The following FBXO38 variants were observed in gnomAD, a reference collection of about 807,000 sequenced individuals.
The protein encoded by FBXO38 is F-box protein 38, also known as F-box only protein 38.
In FBXO38, 53 loss-of-function variants were observed where a neutral mutation model predicts 131.9. That is an observed-to-expected ratio of 0.40 (90% CI 0.32 to 0.51). The LOEUF is 0.51. Ranked by LOEUF, FBXO38 falls within the 20% of genes least tolerant of loss-of-function variation. FBXO38 has a pLI of 0.53. For missense variants in FBXO38, 1,076 were observed against 1,475.6 expected, an observed-to-expected ratio of 0.73 and a Z score of 4.44; for synonymous variants, 452 against 505.6, an observed-to-expected ratio of 0.89 and a Z score of 1.42.
rs769212255 is a variant in FBXO38, at chr5:148,439,807, G to A, written c.3170+15G>A. 1.2e-6 allele frequency: 2 copies of A among 1,612,030 alleles called. No homozygotes were observed. The highest frequency in any genetic ancestry group is 8.5e-7 in the Non-Finnish European group (1 of 1,179,036). ...AACATCAATCAGTAAGTAACTTTGT[G>A]GCCCTTAAAGGCCTTTTGAGTCATT... On this transcript the variant is annotated intron_variant, in intron 19 of 21. Coordinates refer to ENST00000340253, the MANE Select transcript of FBXO38 (RefSeq NM_205836.3).
rs1753575175 is a variant in FBXO38 at position 148,423,912 on chromosome 5, A to C, written c.1619-86A>C. 2.4e-6 allele frequency: 3 copies of C among 1,271,934 alleles called. No homozygotes were observed. In the African/African-American group the frequency reaches 4.5e-5, roughly 19 times the overall value. 78.8% of individuals were successfully genotyped at this position (1,271,934 alleles called of 1,614,324 possible). A position where few individuals can be genotyped will look rare whatever the true frequency, so the allele number is the denominator to read the frequency against. ...GGCCTAGTAATCAGCGGGACTGTTC[A>C]GTTCTTAGGGCGGCCACAGTTTTGC... On this transcript the variant is annotated intron_variant, in intron 12 of 21. Coordinates refer to ENST00000340253, the MANE Select transcript of FBXO38 (RefSeq NM_205836.3).
At chr5:148,414,702 A>G (rs556468950) in intron 10 of FBXO38, among the ~76,000 whole-genome samples, 1 of 152,278 alleles carries the variant, frequency 6.6e-6, no homozygotes, top group East Asian at 1.9e-4. Context: ...TTGAACTTTA[A>G]TTAAGTGACA....
intron 6 of FBXO38, among the ~76,000 whole-genome samples, chr5:148,405,710 G>A (rs1043792991): frequency 6.6e-6 from 1 of 152,078 alleles, no homozygotes; most frequent in African/African-American, 2.4e-5. Flanking sequence ...CGTTCTTCAG[G>A]TTCTGCCTTT....
At chr5:148,428,374 T>G (rs1004229241) in intron 15 of FBXO38, among the ~76,000 whole-genome samples, 10 of 152,236 alleles carry the variant, frequency 6.6e-5, no homozygotes, top group Non-Finnish European at 1.2e-4. Context: ...TATACCCCTC[T>G]TTCTGTCTCT....
chr5:148,417,191 G>T lies in FBXO38; in HGVS notation c.1605G>T (p.Gln535His), dbSNP rs1753109684. ...AAGATCTGCAGCCAGGAGAGCAGCA[G>T]TTTGCAGCTGACGGTAACCCAGATC... ...FRQDLQPGEQ[Q>H]FAADALNEME... Residue 535 changes from glutamine (Q) to histidine (H), a missense_variant, in exon 12 of 22, where the codon CAG (glutamine) becomes CAT (histidine). By Grantham distance (24) the Gln-to-His change is conservative. Coordinates refer to ENST00000340253, the MANE Select transcript of FBXO38 (RefSeq NM_205836.3). 8.1e-6 allele frequency: 13 copies of T among 1,609,750 alleles called. No homozygotes were observed. The East Asian group carries it at 2.9e-4, about 36-fold the overall frequency.
chr5:148,419,681 G>T (rs1172204670), intron 12 of FBXO38, among the ~76,000 whole-genome samples: 2 of 152,148 alleles, frequency 1.3e-5, no homozygotes, highest in Non-Finnish European at 2.9e-5. Context: ...TTTCAAGGAT[G>T]TAGTGAGTTA....
rs142402947 is a variant in FBXO38 at position 148,425,697 on chromosome 5, G to A, written c.1914G>A (p.Leu638=). Residue 638 remains leucine, a synonymous_variant, in exon 14 of 22, where the codon TTG becomes TTA. Coordinates refer to ENST00000340253, the MANE Select transcript of FBXO38 (RefSeq NM_205836.3). ...KTGESVQSRE[L]SVSGKGKTPL... Reference sequence around the variant, plus strand: ...GAGAGTCAGTGCAGTCCAGAGAATTGTCAGGTGAGAAATTGTCTTTCTCTG... The same window carrying A: ...GAGAGTCAGTGCAGTCCAGAGAATTATCAGGTGAGAAATTGTCTTTCTCTG... 3.1e-6 allele frequency: 5 copies of A among 1,612,562 alleles called. No homozygotes were observed. In the African/African-American group the frequency reaches 6.7e-5, roughly 22 times the overall value.
chr5:148,402,629 A>AACATTTATTTTGC, intron 5 of FBXO38, 116 bp downstream of exon 5: 3 of 923,742 alleles, frequency 3.2e-6, no homozygotes, highest in Non-Finnish European at 4.7e-6. Flanking sequence ...GATGATTGCA[A>AACATTTATTTTGC]AATAAATGTT....
chr5:148,406,679 T>A (rs1187250060), intron 7 of FBXO38, among the ~76,000 whole-genome samples: 1 of 152,184 alleles, frequency 6.6e-6, no homozygotes, highest in Non-Finnish European at 1.5e-5. Flanking sequence ...ATGTATGGAA[T>A]CTTTCTTAGA....
chr5:148,395,078 A>G (rs1758410185), intron 2 of FBXO38, among the ~76,000 whole-genome samples, 174 bp downstream of exon 2: 1 of 152,200 alleles, frequency 6.6e-6, no homozygotes, highest in African/African-American at 2.4e-5. Context: ...CTTAGTAGCC[A>G]TATGTGGCTA....
At chr5:148,402,906 G>C (rs906880914) in intron 5 of FBXO38, among the ~76,000 whole-genome samples, 19 of 142,764 alleles carry the variant, frequency 1.3e-4, no homozygotes, top group South Asian at 1.2e-3. Flanking sequence ...CACATACACA[G>C]AGAGAGAGAG....
intron 1 of FBXO38, among the ~76,000 whole-genome samples, chr5:148,387,034 G>T (rs537038633): frequency 1.6e-4 from 25 of 152,194 alleles, no homozygotes; most frequent in Middle Eastern, 3.4e-3. Context: ...CATTGGGGTG[G>T]CTTGGCAGTT....
chr5:148,417,781 A>T (rs1202325009), intron 12 of FBXO38, among the ~76,000 whole-genome samples: 3 of 152,190 alleles, frequency 2.0e-5, no homozygotes, highest in Non-Finnish European at 4.4e-5. Context: ...AAGGTGCTCC[A>T]TCCATCCTTC....
At chr5:148,424,378 G>A (rs1016294262) in intron 13 of FBXO38, among the ~76,000 whole-genome samples, 5 of 152,182 alleles carry the variant, frequency 3.3e-5, no homozygotes, top group African/African-American at 9.7e-5. Flanking sequence ...CCATGTATGT[G>A]TAGAAAAAGA....
Position 148,410,622 on chromosome 5 carries a change from T to C in FBXO38, c.963-13T>C. The stretch of plus-strand genomic sequence containing the variant: ...TTGTTTTACTCTGATATGTTCTCTG[T>C]CTTTATTCACAGGTTACATGAAGTT... On this transcript the variant is annotated splice_polypyrimidine_tract_variant and intron_variant, in intron 8 of 21. Coordinates refer to ENST00000340253, the MANE Select transcript of FBXO38 (RefSeq NM_205836.3). 6.2e-7 allele frequency: 1 copy of C among 1,613,902 alleles called. No homozygotes were observed. Among genetic ancestry groups the C allele is most frequent in the Non-Finnish European group, 8.5e-7 (1 of 1,179,906 alleles).
chr5:148,387,445 G>A (rs770781526), intron 1 of FBXO38, among the ~76,000 whole-genome samples: 12 of 152,056 alleles, frequency 7.9e-5, no homozygotes, highest in Non-Finnish European at 1.6e-4. Flanking sequence ...GATGTCTTTT[G>A]TTGTTTATTA....
intron 2 of FBXO38, among the ~76,000 whole-genome samples, chr5:148,395,671 T>G (rs1758444667): frequency 6.6e-6 from 1 of 152,138 alleles, no homozygotes; most frequent in Non-Finnish European, 1.5e-5. Context: ...ATTATTAGGA[T>G]TCAGTGAGAT....
rs764926425 is a variant in FBXO38, at chr5:148,405,016, C to CAA, written c.730+206_730+207dup. 1.4e-4 allele frequency among the ~76,000 whole-genome samples: 17 copies of CAA among 122,712 alleles called. No individual in the cohort carries two copies. The South Asian group carries it at 1.5e-3, about 11-fold the overall frequency. The allele number at this position is 122,712 out of a possible 152,430, so 80.5% of individuals were successfully genotyped here. A position where few individuals can be genotyped will look rare whatever the true frequency, so the allele number is the denominator to read the frequency against. The stretch of plus-strand genomic sequence containing the variant: ...AAAGATGATTTGTGTTTGACCTCAG[C>CAA]AAAAAAAAAAAAACAAAACTCAGAA... On this transcript the variant is annotated intron_variant, in intron 6 of 21. Transcript: ENST00000340253.
At position 148,383,986 on chromosome 5, in the gene FBXO38, T is replaced by G. The variant is rs1186619702; in HGVS notation, c.-117T>G. ...GCCTCAGCGGTAGGGGCCGGGGAAG[T>G]GTCTGTAGCGTCCCTCCCTCTCAAC... is the stretch of plus-strand genomic sequence containing the variant. On this transcript the variant is annotated 5_prime_UTR_variant, in exon 1 of 22. Coordinates refer to ENST00000340253, the MANE Select transcript of FBXO38 (RefSeq NM_205836.3). 5 of 152,414 alleles carry G rather than the reference T, an allele frequency of 3.3e-5. No individual in the cohort carries two copies. Among genetic ancestry groups the G allele is most frequent in the Non-Finnish European group, 7.3e-5 (5 of 68,346 alleles). The allele number at this position is 152,414 out of a possible 1,614,324, so 9.4% of individuals were successfully genotyped here.
Sources: allele counts gnomAD v4.1 joint callset (sites outside exome capture counted in the v4.1 genomes callset), GRCh38; gene constraint gnomAD v4.1.1; transcripts MANE v1.5; gene names NCBI Gene and HGNC (gene_info 2026-07-23, HGNC 2026-07-21).